The following CRACDL variants were observed in gnomAD, a reference collection of about 807,000 sequenced individuals.
CRACDL encodes the protein CRACD like.
A neutral mutation model predicts 70.6 loss-of-function variants in CRACDL; 26 were observed. The ratio of observed to expected loss-of-function variants is 0.37; its 90% confidence interval spans 0.27 to 0.51. CRACDL has a LOEUF of 0.51. Ranked by LOEUF, CRACDL falls within the 20% of genes least tolerant of loss-of-function variation. CRACDL has a pLI of 0.94. For synonymous variants in CRACDL, 618 were observed against 615.2 expected, an observed-to-expected ratio of 1.00 and a Z score of -0.07; for missense variants, 1,283 against 1,376.9, an observed-to-expected ratio of 0.93 and a Z score of 1.08.
intron 9 of CRACDL, among the ~76,000 whole-genome samples, chr2:98,795,865 T>C (rs758112918): frequency 6.6e-6 from 1 of 152,164 alleles, no homozygotes; most frequent in Non-Finnish European, 1.5e-5. Flanking sequence ...CTGGGTTTGG[T>C]TGGAAAAAAG....
At chr2:98,873,242 T>C (rs948907099) in intron 1 of CRACDL, among the ~76,000 whole-genome samples, 4 of 152,252 alleles carry the variant, frequency 2.6e-5, no homozygotes, top group Admixed American at 2.6e-4. Context: ...GGGCAATTTC[T>C]GTCTTTTTCA....
intron 1 of CRACDL, among the ~76,000 whole-genome samples, chr2:98,890,988 T>C (rs990103751): frequency 3.3e-5 from 5 of 150,778 alleles, no homozygotes; most frequent in Non-Finnish European, 1.5e-5. Flanking sequence ...ACCCAGGAGA[T>C]GGAGGTTGCA....
intron 1 of CRACDL, among the ~76,000 whole-genome samples, chr2:98,847,315 T>C (rs1467495127): frequency 6.6e-6 from 1 of 152,236 alleles, no homozygotes; most frequent in African/African-American, 2.4e-5. Flanking sequence ...CACCACATCA[T>C]TAAAATTATT....
At chr2:98,829,765 G>A (rs1705458786) in intron 5 of CRACDL, among the ~76,000 whole-genome samples, 1 of 152,220 alleles carries the variant, frequency 6.6e-6, no homozygotes, top group South Asian at 2.1e-4. Context: ...TCCTCAAAAA[G>A]AGGGGCTCAG....
intron 7 of CRACDL, among the ~76,000 whole-genome samples, chr2:98,805,482 T>C (rs1704250622): frequency 6.6e-6 from 1 of 151,980 alleles, no homozygotes; most frequent in Non-Finnish European, 1.5e-5. Context: ...CCCCACAGCT[T>C]CAAGTGCACC....
chr2:98,910,325 G>T (rs1464251697), intron 1 of CRACDL, among the ~76,000 whole-genome samples: 1 of 152,006 alleles, frequency 6.6e-6, no homozygotes, highest in Non-Finnish European at 1.5e-5. Flanking sequence ...TTCGAGACCA[G>T]CCTGACCAAC....
intron 1 of CRACDL, among the ~76,000 whole-genome samples, chr2:98,901,237 G>C (rs983917179): frequency 6.6e-5 from 10 of 152,176 alleles, no homozygotes; most frequent in African/African-American, 2.2e-4. Flanking sequence ...CCATAGAAAG[G>C]GCTCAATAAA....
intron 1 of CRACDL, among the ~76,000 whole-genome samples, chr2:98,894,436 G>A (rs757616154): frequency 6.6e-5 from 10 of 152,192 alleles, no homozygotes; most frequent in Non-Finnish European, 1.3e-4. Flanking sequence ...TAAAATAGCC[G>A]GAGATGTGAT....
chr2:98,857,012 C>T (rs1374654948), intron 1 of CRACDL, among the ~76,000 whole-genome samples: 1 of 152,152 alleles, frequency 6.6e-6, no homozygotes, highest in African/African-American at 2.4e-5. Context: ...AGTCTGCTCC[C>T]TAGGAGCTCC....
chr2:98,902,288 G>A (rs572870885), intron 1 of CRACDL, among the ~76,000 whole-genome samples: 3 of 152,102 alleles, frequency 2.0e-5, no homozygotes, highest in Non-Finnish European at 4.4e-5. Context: ...AGGGGTCTCC[G>A]GCAGCCTTCA....
At chr2:98,801,066 C>T (rs1210630085) in intron 7 of CRACDL, among the ~76,000 whole-genome samples, 1 of 152,144 alleles carries the variant, frequency 6.6e-6, no homozygotes. Flanking sequence ...AAGCACTGGG[C>T]CAGCTTATGA....
intron 1 of CRACDL, among the ~76,000 whole-genome samples, chr2:98,891,231 G>A (rs1707964840): frequency 6.6e-6 from 1 of 151,624 alleles, no homozygotes; most frequent in South Asian, 2.1e-4. Context: ...AAAAAAATTA[G>A]CCAGGCATGG....
At chr2:98,846,166 A>G (rs1706244512) in intron 2 of CRACDL, among the ~76,000 whole-genome samples, 1 of 152,200 alleles carries the variant, frequency 6.6e-6, no homozygotes, top group Non-Finnish European at 1.5e-5. Flanking sequence ...CATAAATAGC[A>G]ATATTTGGAT....
rs544582345 is a variant in CRACDL, at chr2:98,918,422, T to G, written c.-11+17516A>C. ...GTGGTACATGTCTGTAATCCCGGCTTCTTGGGAGGCTGAGGCCCAGGCTGA... is the reference window on the plus strand; with the variant it reads ...GTGGTACATGTCTGTAATCCCGGCTGCTTGGGAGGCTGAGGCCCAGGCTGA... On this transcript the variant is annotated intron_variant, in intron 1 of 9. Coordinates refer to ENST00000397899, the MANE Select transcript of CRACDL (RefSeq NM_207362.3). 2.0e-5 allele frequency among the ~76,000 whole-genome samples: 3 copies of G among 151,762 alleles called. No homozygotes were observed. In the East Asian group the frequency reaches 5.8e-4, roughly 30 times the overall value.
chr2:98,838,151 C>A lies in CRACDL; in HGVS notation c.207G>T (p.Gly69=), dbSNP rs1160464449. The A allele has an allele frequency of 6.2e-7, 1 of 1,613,430 alleles. No homozygotes were observed. The highest frequency in any genetic ancestry group is 8.5e-7 in the Non-Finnish European group (1 of 1,179,734). Residue 69 remains glycine (G), a synonymous_variant, in exon 3 of 10, where the codon GGG becomes GGT. Coordinates refer to ENST00000397899, the MANE Select transcript of CRACDL (RefSeq NM_207362.3). ...CATCCTCGGAGTCGTAGCCCACTGG[C>A]CCGGATTCGATGGCAATGACCTCAT... ...TRNEVIAIES[G]PVGYDSEDEL...
chr2:98,839,486 T>C (rs1705928273), intron 2 of CRACDL, among the ~76,000 whole-genome samples: 1 of 152,246 alleles, frequency 6.6e-6, no homozygotes, highest in Non-Finnish European at 1.5e-5. Context: ...AGTCAACAAA[T>C]TGGTATGCAT....
intron 1 of CRACDL, among the ~76,000 whole-genome samples, chr2:98,909,392 GCAGGTT>G (rs1359960935): frequency 6.6e-6 from 1 of 152,200 alleles, no homozygotes; most frequent in African/African-American, 2.4e-5. Context: ...GAAGGGGTGA[GCAGGTT>G]CAGGAAAACC....
At chr2:98,821,786 C>G (rs1705040354) in intron 7 of CRACDL, 71 bp downstream of exon 7, 1 of 1,551,580 alleles carries the variant, frequency 6.4e-7, no homozygotes, top group African/African-American at 1.4e-5. Flanking sequence ...TGGCGAGTGT[C>G]CAGCAAGATG....
chr2:98,828,762 C>T (rs994724116), intron 5 of CRACDL, among the ~76,000 whole-genome samples: 25 of 152,302 alleles, frequency 1.6e-4, no homozygotes, highest in African/African-American at 5.8e-4. Context: ...TCTCTTTTAG[C>T]TACTCAGGTA....
Sources: allele counts gnomAD v4.1 joint callset (sites outside exome capture counted in the v4.1 genomes callset), GRCh38; gene constraint gnomAD v4.1.1; transcripts MANE v1.5; gene names NCBI Gene and HGNC (gene_info 2026-07-23, HGNC 2026-07-21).